DYRK1A: variants seen among roughly 807,000 people sequenced by gnomAD.
The protein encoded by DYRK1A is dual specificity tyrosine phosphorylation regulated kinase 1A, also known as dual specificity tyrosine-phosphorylation-regulated kinase 1A.
Under a neutral mutation model 79.7 loss-of-function variants are expected in DYRK1A, and 9 were observed. The observed-to-expected ratio is 0.11, with a 90% CI of 0.07 to 0.20. The LOEUF (loss-of-function observed/expected upper bound fraction) is 0.20. Among genes scored for constraint, DYRK1A ranks in the 10% least tolerant of loss-of-function variants. The pLI, the probability that DYRK1A is intolerant of heterozygous loss-of-function variation, is 1.00. For synonymous variants in DYRK1A, 349 were observed against 329.7 expected, an observed-to-expected ratio of 1.06 and a Z score of -0.63; for missense variants, 622 against 956.0, an observed-to-expected ratio of 0.65 and a Z score of 4.61.
rs571494483 is a variant in DYRK1A, at chr21:37,445,306, A to G, written c.10+24922A>G. Among the ~76,000 whole-genome samples the G allele has an allele frequency of 3.3e-5, 5 of 152,320 alleles. No homozygotes were observed. The South Asian group carries it at 6.2e-4, about 19-fold the overall frequency. ...ATGCACACCGGAAAGTAATGGAACT[A>G]TTTGTGATCAGTTAGTAACTAAGGG... On this transcript the variant is annotated intron_variant, in intron 2 of 11. Coordinates refer to ENST00000647188, the MANE Select transcript of DYRK1A (RefSeq NM_001347721.2).
At position 37,503,254 on chromosome 21, in the gene DYRK1A, T is replaced by C. The variant is rs2148644877; in HGVS notation, c.1213-2029T>C. On this transcript the variant is annotated intron_variant, in intron 9 of 11. Coordinates refer to ENST00000647188, the MANE Select transcript of DYRK1A (RefSeq NM_001347721.2). ...TCTAGTTCTCCAGTGATGTGTATGT[T>C]ACAGTGCTGAATATTATCCCAGAGG... 1.3e-5 allele frequency: 2 copies of C among 152,384 alleles called. 1 individual carries two copies. 9.4% of individuals were successfully genotyped at this position (152,384 alleles called of 1,614,324 possible).
chr21:37,388,959 A>G (rs1382547721), intron 1 of DYRK1A, among the ~76,000 whole-genome samples: 1 of 148,336 alleles, frequency 6.7e-6, no homozygotes, highest in East Asian at 2.0e-4. Context: ...AGTTTGTACT[A>G]TATTATTTTT....
In DYRK1A at chr21:37,458,268, CTGTG is replaced by C. The variant is rs3138683; in HGVS notation, c.11-14380_11-14377del. Reference sequence around the variant, plus strand: ...TAGGGGAGGGCATCTGGGTAATTTACTGTGTGTGTGTGTGTGTGTGTGTGTGTGT... The same window carrying C: ...TAGGGGAGGGCATCTGGGTAATTTACTGTGTGTGTGTGTGTGTGTGTGTGT... On this transcript the variant is annotated intron_variant, in intron 2 of 11. Transcript: ENST00000647188. 1.0e-2 allele frequency among the ~76,000 whole-genome samples: 1,304 copies of C among 130,574 alleles called. 8 individuals carry two copies. The highest frequency in any genetic ancestry group is 0.02 in the Middle Eastern group (5 of 252). The allele number at this position is 130,574 out of a possible 152,430, so 85.7% of individuals were successfully genotyped here. A position where few individuals can be genotyped will look rare whatever the true frequency, so the allele number is the denominator to read the frequency against.
chr21:37,522,598 G>A lies in DYRK1A; in HGVS notation c.*10067G>A, dbSNP rs7277020. ...GGCTAGGGAAAATGTAGTGAAGGAT[G>A]CCTGTATTGTCCTAATGAACCACAC... is the stretch of plus-strand genomic sequence containing the variant. On this transcript the variant is annotated 3_prime_UTR_variant, in exon 12 of 12. Transcript: ENST00000647188. 0.051 allele frequency: 7,718 copies of A among 152,272 alleles called. 688 individuals carry two copies. Among genetic ancestry groups the A allele is most frequent in the African/African-American group, 0.18 (7,266 of 41,508 alleles). The allele number at this position is 152,272 out of a possible 1,614,324, so 9.4% of individuals were successfully genotyped here.
chr21:37,480,013 G>A (rs2052579392), intron 4 of DYRK1A, among the ~76,000 whole-genome samples: 1 of 152,076 alleles, frequency 6.6e-6, no homozygotes, highest in Admixed American at 6.5e-5. Context: ...GGCCATAGCT[G>A]TTTTTCATTA....
intron 2 of DYRK1A, among the ~76,000 whole-genome samples, chr21:37,466,237 GAT>G (rs147489473): frequency 0.023 from 3,452 of 152,264 alleles, 101 homozygotes; most frequent in African/African-American, 0.077. Context: ...GAATACAGTA[GAT>G]ATACACACAT....
chr21:37,458,954 CTGAA>C (rs895527792), intron 2 of DYRK1A, among the ~76,000 whole-genome samples: 5 of 152,308 alleles, frequency 3.3e-5, no homozygotes, highest in African/African-American at 1.2e-4. Context: ...GTGGCAGTCA[CTGAA>C]TGTGCTTGCC....
chr21:37,395,864 T>A (rs2049951565), intron 1 of DYRK1A, among the ~76,000 whole-genome samples: 1 of 152,366 alleles, frequency 6.6e-6, no homozygotes, highest in Admixed American at 6.5e-5. Flanking sequence ...GGATAGACTC[T>A]GTTCTGGGAT....
rs1206142942 is a variant in DYRK1A, at chr21:37,519,209, A to T, written c.*6678A>T. On this transcript the variant is annotated 3_prime_UTR_variant, in exon 12 of 12. Coordinates refer to ENST00000647188, the MANE Select transcript of DYRK1A (RefSeq NM_001347721.2). Reference sequence around the variant, plus strand: ...ATTAGTTCCTTTATATCTCAGTCTCATCTGGTCTTGTAAGCCGGTGAAGGG... The same window carrying T: ...ATTAGTTCCTTTATATCTCAGTCTCTTCTGGTCTTGTAAGCCGGTGAAGGG... The T allele has an allele frequency of 1.3e-5, 2 of 152,174 alleles. No homozygotes were observed. The highest frequency in any genetic ancestry group is 1.5e-5 in the Non-Finnish European group (1 of 68,036). The allele number at this position is 152,174 out of a possible 1,614,324, so 9.4% of individuals were successfully genotyped here. A position where few individuals can be genotyped will look rare whatever the true frequency, so the allele number is the denominator to read the frequency against.
intron 1 of DYRK1A, among the ~76,000 whole-genome samples, chr21:37,389,203 T>C (rs2049822992): frequency 6.6e-6 from 1 of 151,678 alleles, no homozygotes; most frequent in Non-Finnish European, 1.5e-5. Context: ...CTCTCTTTTT[T>C]TAAAAAAGTA....
chr21:37,463,203 C>CGTGTGTGTGTGTGTGTGT (rs6147501), intron 2 of DYRK1A, among the ~76,000 whole-genome samples: 6,872 of 145,244 alleles, frequency 0.047, 250 homozygotes, highest in East Asian at 0.16. Flanking sequence ...AATGTTGGCA[C>CGTGTGTGTGTGTGTGTGT]GTGTGTGTGT....
At position 37,451,399 on chromosome 21, in the gene DYRK1A, C is replaced by G. The variant is rs528902865; in HGVS notation, c.11-21285C>G. 2.9e-5 allele frequency among the ~76,000 whole-genome samples: 4 copies of G among 139,162 alleles called. No individual in the cohort carries two copies. In the East Asian group the frequency reaches 9.8e-4, roughly 34 times the overall value. The allele number at this position is 139,162 out of a possible 152,430, so 91.3% of individuals were successfully genotyped here. On this transcript the variant is annotated intron_variant, in intron 2 of 11. Transcript: ENST00000647188. ...ATCCCTCCCCCACCCATTGCAACTTCCAGTCCTGCAAGCTCCATTCCTGTA... is the reference window on the plus strand; with the variant it reads ...ATCCCTCCCCCACCCATTGCAACTTGCAGTCCTGCAAGCTCCATTCCTGTA...
rs1555959239 is a variant in DYRK1A, at chr21:37,417,529, C to CTTTTTCTTTTTCTT, written c.-76-2765_-76-2764insCTTTTTCTTTTTTT. ...TTCTTTTCTTTTTCTTTTTCTTTTT[C>CTTTTTCTTTTTCTT]TTTTTTTTTTTTTTTTTTTTTTTTT... On this transcript the variant is annotated intron_variant, in intron 1 of 11. Transcript: ENST00000647188. Among the ~76,000 whole-genome samples, 54 of 44,034 alleles carry CTTTTTCTTTTTCTT rather than the reference C, an allele frequency of 1.2e-3. 1 individual carries two copies. The highest frequency in any genetic ancestry group is 5.2e-3 in the African/African-American group (51 of 9,780). The allele number at this position is 44,034 out of a possible 152,430, so 28.9% of individuals were successfully genotyped here.
At chr21:37,488,868 C>T (rs917803533) in intron 6 of DYRK1A, 1 of 985,244 alleles carries the variant, frequency 1.0e-6, no homozygotes, top group African/African-American at 1.7e-5. Context: ...TGTGAGGTAT[C>T]ATGGAACTAT....
chr21:37,524,440 G>A lies in DYRK1A; in HGVS notation c.*11909G>A, dbSNP rs535458054. ...AAATGAAAATGAAGCTACAACCAAA[G>A]TAAGTTTCAGATGGCTCATTTGTTA... is the stretch of plus-strand genomic sequence containing the variant. On this transcript the variant is annotated 3_prime_UTR_variant, in exon 12 of 12. Transcript: ENST00000647188. The A allele has an allele frequency of 6.6e-6, 1 of 152,224 alleles. No homozygotes were observed. The highest frequency in any genetic ancestry group is 6.5e-5 in the Admixed American group (1 of 15,288). 9.4% of individuals were successfully genotyped at this position (152,224 alleles called of 1,614,324 possible).
intron 2 of DYRK1A, among the ~76,000 whole-genome samples, chr21:37,470,831 A>C (rs2052197126): frequency 6.6e-6 from 1 of 152,248 alleles, no homozygotes; most frequent in South Asian, 2.1e-4. Context: ...GTTCTTTTAA[A>C]AAGTGAACAA....
At position 37,455,713 on chromosome 21, in the gene DYRK1A, A is replaced by G. The variant is rs149276400; in HGVS notation, c.11-16971A>G. Among the ~76,000 whole-genome samples, 9 of 152,148 alleles carry G rather than the reference A, an allele frequency of 5.9e-5. No homozygotes were observed. In the East Asian group the frequency reaches 1.2e-3, roughly 20 times the overall value. On this transcript the variant is annotated intron_variant, in intron 2 of 11. Transcript: ENST00000647188. ...TGCAGTAAGCAACTGATAGATCTCTATTTGTGGTTCCTCCTGGTTCCAGTC... is the reference window on the plus strand; with the variant it reads ...TGCAGTAAGCAACTGATAGATCTCTGTTTGTGGTTCCTCCTGGTTCCAGTC...
chr21:37,391,373 A>G (rs1037396828), intron 1 of DYRK1A, among the ~76,000 whole-genome samples: 9 of 152,188 alleles, frequency 5.9e-5, no homozygotes, highest in African/African-American at 2.2e-4. Flanking sequence ...GCCTGCCACT[A>G]CTGTGCCATC....
chr21:37,464,246 T>G (rs759487582), intron 2 of DYRK1A: 2 of 473,854 alleles, frequency 4.2e-6, no homozygotes, highest in South Asian at 1.6e-5. Flanking sequence ...AGATGTGTTG[T>G]TTATGAAATA....
Sources: allele counts gnomAD v4.1 joint callset (sites outside exome capture counted in the v4.1 genomes callset), GRCh38; gene constraint gnomAD v4.1.1; transcripts MANE v1.5; gene names NCBI Gene and HGNC (gene_info 2026-07-23, HGNC 2026-07-21).